The following GREB1 variants were observed in gnomAD, a reference collection of about 807,000 sequenced individuals.
GREB1 encodes the protein growth regulating estrogen receptor binding 1.
In GREB1, 106 loss-of-function variants were observed where a neutral mutation model predicts 200.7. The ratio of observed to expected loss-of-function variants is 0.53; its 90% confidence interval spans 0.45 to 0.62. The LOEUF (loss-of-function observed/expected upper bound fraction) is 0.62, where lower values mean the gene tolerates loss of function less well. Ranked by LOEUF, GREB1 falls within the 20% of genes least tolerant of loss-of-function variation. GREB1 has a pLI of 0.00. For synonymous variants in GREB1, 1,132 were observed against 1,092.4 expected (o/e 1.04, Z -0.72); for missense variants, 2,243 against 2,556.8 (o/e 0.88, Z 2.65).
intron 1 of GREB1, among the ~76,000 whole-genome samples, chr2:11,510,888 G>T (rs1178907465): frequency 6.6e-6 from 1 of 152,072 alleles, no homozygotes; most frequent in East Asian, 1.9e-4. Context: ...GGGCAGGCTG[G>T]TCTCGAACTC....
rs1676470922 is a variant in GREB1 at position 11,556,764 on chromosome 2, T to A, written c.150T>A (p.Ala50=). The stretch of plus-strand genomic sequence containing the variant: ...TGGAAGCTGAGCAGCAGCTTGCCGC[T>A]CTAGAAGGTGGGAGACGCACGTTGC... ...LYLEAEQQLA[A]LEGGSRVDNE... The change falls in exon 2 of 33, where the codon GCT becomes GCA. Residue 50 remains alanine (A), a synonymous_variant. Transcript: ENST00000381486. 2 of 1,613,634 alleles carry A rather than the reference T, an allele frequency of 1.2e-6. No individual in the cohort carries two copies. The highest frequency in any genetic ancestry group is 1.7e-6 in the Non-Finnish European group (2 of 1,179,868).
At chr2:11,611,311 GCTT>G (rs1256765564) in intron 18 of GREB1, among the ~76,000 whole-genome samples, 6 of 151,998 alleles carry the variant, frequency 3.9e-5, no homozygotes, top group Admixed American at 3.9e-4. Context: ...TTTAGCTGAT[GCTT>G]CTTTATTTTC....
At chr2:11,545,334 G>A (rs1487053679) in intron 1 of GREB1, among the ~76,000 whole-genome samples, 2 of 152,052 alleles carry the variant, frequency 1.3e-5, no homozygotes, top group African/African-American at 4.8e-5. Context: ...GTTGCATCAT[G>A]TTGGCCAGGC....
intron 1 of GREB1, among the ~76,000 whole-genome samples, chr2:11,500,553 C>T (rs1673008679): frequency 6.6e-6 from 1 of 151,902 alleles, no homozygotes; most frequent in African/African-American, 2.4e-5. Flanking sequence ...ATCCACTCGC[C>T]TTGGCATCCC....
At chr2:11,554,818 C>G (rs1027528997) in intron 1 of GREB1, among the ~76,000 whole-genome samples, 20 of 152,112 alleles carry the variant, frequency 1.3e-4, no homozygotes, top group African/African-American at 4.8e-4. Flanking sequence ...AAAAAGAAAC[C>G]CTTAACAAGT....
Position 11,597,891 on chromosome 2 carries a change from G to A in GREB1, c.2065G>A (p.Gly689Arg). 6.2e-7 allele frequency: 1 copy of A among 1,614,140 alleles called. No homozygotes were observed. The highest frequency in any genetic ancestry group is 8.5e-7 in the Non-Finnish European group (1 of 1,179,996). ...ADSSTQNLDL[G>R]SFEKVDFLIC... ...TTCCAGCACCCAAAATCTGGACCTG[G>A]GATCCTTTGAGAAGGTGGACTTTCT... Residue 689 changes from glycine to arginine, a missense_variant, in exon 14 of 33, where the codon GGA becomes AGA. Transcript: ENST00000381486. The surrounding 1 kb of genome is among the most constrained non-coding windows in gnomAD (Gnocchi z 4.1).
chr2:11,619,191 C>T (rs1683793459), intron 22 of GREB1, among the ~76,000 whole-genome samples: 1 of 152,198 alleles, frequency 6.6e-6, no homozygotes, highest in Admixed American at 6.5e-5. Context: ...CCTCAATCCA[C>T]ATCATCTCAC....
intron 1 of GREB1, among the ~76,000 whole-genome samples, chr2:11,519,448 G>GT (rs1558497818): frequency 1.6e-4 from 14 of 90,168 alleles, no homozygotes; most frequent in East Asian, 5.8e-4. Context: ...TACTTGTTTT[G>GT]GTTTTTTTTT....
chr2:11,612,738 G>A (rs1683047457), intron 19 of GREB1, 128 bp downstream of exon 19: 3 of 611,972 alleles, frequency 4.9e-6, no homozygotes, highest in Non-Finnish European at 5.9e-6. Flanking sequence ...CAGGCCCCGT[G>A]GGTGGGGCCT....
rs1679415476 is a variant in GREB1 at position 11,580,957 on chromosome 2, A to T, written c.901+125A>T. 8.1e-7 allele frequency: 1 copy of T among 1,227,812 alleles called. No homozygotes were observed. Among genetic ancestry groups the T allele is most frequent in the Non-Finnish European group, 1.2e-6 (1 of 847,578 alleles). 76.1% of individuals were successfully genotyped at this position (1,227,812 alleles called of 1,614,324 possible). On this transcript the variant is annotated intron_variant, in intron 7 of 32. Coordinates refer to ENST00000381486, the MANE Select transcript of GREB1 (RefSeq NM_014668.4). The surrounding 1 kb of genome is among the most constrained non-coding windows in gnomAD (Gnocchi z 4.5). ...TGGAGTCTGATGTGGCTTCCATGAG[A>T]GTCAGGCCAGGACCACAGGTGCCTC...
intron 1 of GREB1, among the ~76,000 whole-genome samples, chr2:11,483,182 C>CGTGTGCGCGCGGGTATAGGT (rs1189788988): frequency 1.3e-5 from 2 of 152,004 alleles, no homozygotes; most frequent in East Asian, 3.9e-4. Flanking sequence ...CTTGTGCGTG[C>CGTGTGCGCGCGGGTATAGGT]GTGTGCGCGC....
In GREB1 at chr2:11,592,927, G is replaced by T. The variant is rs747415373; in HGVS notation, c.1497G>T (p.Ala499=). ...GCGCCGCGGCACCCGTGACCTCCGC[G>T]CAGCTGCCCTGGCTGGCCAGCCTGG... ...APSAAAPVTS[A]QLPWLASLAA... is the part of the protein sequence containing the mutation. Residue 499 remains alanine (A), a synonymous_variant, in exon 11 of 33, where the codon GCG becomes GCT. Transcript: ENST00000381486. 1 of 1,584,492 alleles carries T rather than the reference G, an allele frequency of 6.3e-7. No individual in the cohort carries two copies. The highest frequency in any genetic ancestry group is 8.6e-7 in the Non-Finnish European group (1 of 1,164,720).
intron 7 of GREB1, among the ~76,000 whole-genome samples, chr2:11,584,264 T>C (rs1028551406): frequency 2.6e-5 from 4 of 152,226 alleles, no homozygotes; most frequent in African/African-American, 4.8e-5. Context: ...AAACCAATTC[T>C]TGATATTTTG....
In GREB1 at chr2:11,582,831, A is replaced by G. The variant is rs548256679; in HGVS notation, c.901+1999A>G. Among the ~76,000 whole-genome samples, 5 of 152,324 alleles carry G rather than the reference A, an allele frequency of 3.3e-5. No individual in the cohort carries two copies. In the East Asian group the frequency reaches 7.7e-4, roughly 23 times the overall value. On this transcript the variant is annotated intron_variant, in intron 7 of 32. Transcript: ENST00000381486. ...TTTTTAAGAAACTGCGTCTAATACC[A>G]CATGGAGTTTACTGAAGCCTAGAGT...
intron 12 of GREB1, among the ~76,000 whole-genome samples, 178 bp downstream of exon 12, chr2:11,595,557 C>CG (rs1681135271): frequency 6.6e-6 from 1 of 152,260 alleles, no homozygotes; most frequent in Admixed American, 6.5e-5. Context: ...GTGACAGCTG[C>CG]GGGTTCTGGC....
chr2:11,609,148 G>A (rs1572906107), intron 17 of GREB1, among the ~76,000 whole-genome samples: 1 of 152,110 alleles, frequency 6.6e-6, no homozygotes, highest in Non-Finnish European at 1.5e-5. Context: ...ACCTGATCCC[G>A]TTGCTCCATC....
Position 11,578,467 on chromosome 2 carries a change from C to T in GREB1, c.772+36C>T, listed in dbSNP as rs368915333. On this transcript the variant is annotated intron_variant, in intron 6 of 32. Coordinates refer to ENST00000381486, the MANE Select transcript of GREB1 (RefSeq NM_014668.4). Reference sequence around the variant, plus strand: ...GGAGACACACCAGAGCTGCTAAACCCACAGAGCTGGCACTGTCTCCGATGT... The same window carrying T: ...GGAGACACACCAGAGCTGCTAAACCTACAGAGCTGGCACTGTCTCCGATGT... The T allele has an allele frequency of 7.7e-5, 123 of 1,605,856 alleles. No homozygotes were observed. The African/African-American group carries it at 1.4e-3, about 18-fold the overall frequency.
intron 7 of GREB1, among the ~76,000 whole-genome samples, chr2:11,581,710 G>T (rs550964434): frequency 6.6e-6 from 1 of 152,238 alleles, no homozygotes; most frequent in East Asian, 1.9e-4. Context: ...CAGCTAAATT[G>T]GATTTGAAGA....
At chr2:11,614,502 G>T (rs907038658) in intron 19 of GREB1, among the ~76,000 whole-genome samples, 1 of 151,976 alleles carries the variant, frequency 6.6e-6, no homozygotes, top group African/African-American at 2.4e-5. Flanking sequence ...AGCTTGTCAC[G>T]GCTTCTGTCG....
Sources: gnomAD v4.1 joint callset for allele counts (sites outside exome capture counted in the v4.1 genomes callset) on GRCh38, gnomAD v4.1.1 for gene constraint, Gnocchi (gnomAD v3.1) non-coding constraint, MANE v1.5 for transcripts, NCBI Gene and HGNC (gene_info 2026-07-23, HGNC 2026-07-21) for gene names.